Variants in VPS13B observed in about 807,000 individuals in gnomAD.
VPS13B encodes the protein intermembrane lipid transfer protein VPS13B.
VPS13B carries 285 observed loss-of-function variants against 426.4 expected under a neutral mutation model. The ratio of observed to expected loss-of-function variants is 0.67; its 90% CI spans 0.61 to 0.74. VPS13B has a LOEUF of 0.74. Ranked by LOEUF, VPS13B falls within the 30% of genes least tolerant of loss-of-function variation. The pLI, the probability that VPS13B is intolerant of heterozygous loss-of-function variation, is 0.00. For missense variants in VPS13B, 4,537 were observed against 4,782.6 expected, an observed-to-expected ratio of 0.95 and a Z score of 1.51; for synonymous variants, 1,676 against 1,676.4, an observed-to-expected ratio of 1.00 and a Z score of 0.01.
chr8:99,262,330 T>C (rs1435226319), intron 17 of VPS13B, among the ~76,000 whole-genome samples: 8 of 152,198 alleles, frequency 5.3e-5, no homozygotes, highest in Non-Finnish European at 2.9e-5. Flanking sequence ...GCTGTTAAAA[T>C]CATTATAATC....
intron 43 of VPS13B, among the ~76,000 whole-genome samples, chr8:99,792,508 C>G (rs1273575246): frequency 1.3e-5 from 2 of 152,036 alleles, no homozygotes; most frequent in African/African-American, 2.4e-5. Flanking sequence ...TGATCGGACC[C>G]TTTTGTAAGG....
At chr8:99,495,859 T>G (rs1588437398) in intron 25 of VPS13B, among the ~76,000 whole-genome samples, 1 of 152,320 alleles carries the variant, frequency 6.6e-6, no homozygotes, top group East Asian at 1.9e-4. Context: ...TTCAGTATTT[T>G]CTTTAAAATT....
At chr8:99,728,371 T>A (rs1222469138) in intron 39 of VPS13B, among the ~76,000 whole-genome samples, 1 of 152,202 alleles carries the variant, frequency 6.6e-6, no homozygotes, top group African/African-American at 2.4e-5. Flanking sequence ...TCTCACTACC[T>A]TAAGAGTTAT....
chr8:99,259,488 T>C (rs1817931510), intron 17 of VPS13B, among the ~76,000 whole-genome samples: 2 of 152,044 alleles, frequency 1.3e-5, no homozygotes, highest in African/African-American at 2.4e-5. Context: ...TAGGGGGGAA[T>C]TGGAAGTGAT....
At chr8:99,371,813 A>G (rs1361281861) in intron 19 of VPS13B, among the ~76,000 whole-genome samples, 2 of 152,170 alleles carry the variant, frequency 1.3e-5, no homozygotes, top group Admixed American at 6.5e-5. Flanking sequence ...ATTCCTAGCC[A>G]TATGCAGAAA....
intron 3 of VPS13B, among the ~76,000 whole-genome samples, chr8:99,095,110 C>G (rs771982473): frequency 8.5e-5 from 13 of 152,152 alleles, no homozygotes; most frequent in Non-Finnish European, 1.8e-4. Context: ...TCACTCTGAG[C>G]TACTCATTTA....
intron 33 of VPS13B, among the ~76,000 whole-genome samples, chr8:99,611,140 T>G (rs1322774071): frequency 6.6e-6 from 1 of 152,208 alleles, no homozygotes; most frequent in African/African-American, 2.4e-5. Flanking sequence ...GAATGAGATG[T>G]GCCTTTAGTT....
At chr8:99,555,440 T>C (rs1347219753) in intron 30 of VPS13B, among the ~76,000 whole-genome samples, 1 of 152,190 alleles carries the variant, frequency 6.6e-6, no homozygotes, top group Non-Finnish European at 1.5e-5. Context: ...TTTTCTAATG[T>C]CTGTAATTGA....
intron 17 of VPS13B, among the ~76,000 whole-genome samples, chr8:99,272,629 T>A (rs917530708): frequency 6.6e-6 from 1 of 152,156 alleles, no homozygotes; most frequent in African/African-American, 2.4e-5. Context: ...CCCTTAAGGA[T>A]CAAAATGAGG....
chr8:99,858,717 A>G (rs1401436912), intron 56 of VPS13B, among the ~76,000 whole-genome samples: 1 of 152,100 alleles, frequency 6.6e-6, no homozygotes, highest in Non-Finnish European at 1.5e-5. Flanking sequence ...TCTGGTGTTT[A>G]CATAACCGGA....
chr8:99,505,796 A>G lies in VPS13B; in HGVS notation c.4158-1341A>G, dbSNP rs184698005. Among the ~76,000 whole-genome samples the G allele has an allele frequency of 3.9e-4, 59 of 152,314 alleles. 1 individual carries two copies. The highest frequency in any genetic ancestry group is 7.8e-4 in the Non-Finnish European group (53 of 68,004). On this transcript the variant is annotated intron_variant, in intron 27 of 61. Coordinates refer to ENST00000357162, the MANE Select transcript of VPS13B (RefSeq NM_152564.5). ...CACAGACCTTCAATTTGGGTAAAAC[A>G]TAATATCTGCACTATGCAATAAAGC...
chr8:99,782,721 A>C (rs1812078159), intron 42 of VPS13B, among the ~76,000 whole-genome samples: 1 of 152,026 alleles, frequency 6.6e-6, no homozygotes, highest in Non-Finnish European at 1.5e-5. Flanking sequence ...CCCTCAGCAA[A>C]TGGAGAGTAG....
At chr8:99,162,135 C>CA (rs1811693264) in intron 15 of VPS13B, among the ~76,000 whole-genome samples, 1 of 152,158 alleles carries the variant, frequency 6.6e-6, no homozygotes. Context: ...TGAATACTTT[C>CA]AGGATGTGGT....
chr8:99,821,619 TCTTAA>T (rs1814374180), intron 50 of VPS13B, 137 bp downstream of exon 50: 8 of 1,053,860 alleles, frequency 7.6e-6, no homozygotes, highest in South Asian at 4.1e-5. Flanking sequence ...ACATTTGATT[TCTTAA>T]CTTCTTAGAC....
chr8:99,163,839 G>C (rs1811834816), intron 15 of VPS13B, among the ~76,000 whole-genome samples: 1 of 152,202 alleles, frequency 6.6e-6, no homozygotes, highest in Non-Finnish European at 1.5e-5. Flanking sequence ...GCCCAGAAAG[G>C]GGCTCCCACA....
At chr8:99,412,918 C>T (rs1228887597) in intron 21 of VPS13B, among the ~76,000 whole-genome samples, 3 of 152,140 alleles carry the variant, frequency 2.0e-5, no homozygotes, top group Admixed American at 1.3e-4. Flanking sequence ...CCAACTTGAC[C>T]ATGGTGTATA....
At chr8:99,812,266 G>C (rs182669382) in intron 44 of VPS13B, among the ~76,000 whole-genome samples, 1 of 152,200 alleles carries the variant, frequency 6.6e-6, no homozygotes. Context: ...TTAGCGTTCA[G>C]ATTTGTTCTG....
At chr8:99,358,805 G>A (rs2133229684) in intron 19 of VPS13B, among the ~76,000 whole-genome samples, 1 of 152,072 alleles carries the variant, frequency 6.6e-6, no homozygotes, top group Non-Finnish European at 1.5e-5. Context: ...TGATAACCAG[G>A]GAAAGATAAG....
At chr8:99,402,891 C>A (rs1815115919) in intron 21 of VPS13B, among the ~76,000 whole-genome samples, 1 of 152,194 alleles carries the variant, frequency 6.6e-6, no homozygotes, top group African/African-American at 2.4e-5. Context: ...TAGGGCAGGG[C>A]ACATACAACT....
Sources: gnomAD v4.1 joint callset for allele counts (sites outside exome capture counted in the v4.1 genomes callset) on GRCh38, gnomAD v4.1.1 for gene constraint, MANE v1.5 for transcripts, NCBI Gene and HGNC (gene_info 2026-07-23, HGNC 2026-07-21) for gene names.